Variants in ZNF605 observed in about 807,000 individuals in gnomAD.
ZNF605 encodes zinc finger protein 605.
Under a neutral mutation model 7.9 loss-of-function variants are expected in ZNF605, and 9 were observed. The ratio of observed to expected loss-of-function variants is 1.14; its 90% confidence interval spans 0.68 to 1.98. The LOEUF is 1.98. ZNF605 is among the 30% of genes most tolerant of loss of function. The pLI, the probability that ZNF605 is intolerant of heterozygous loss-of-function variation, is 0.00. For missense variants in ZNF605, 673 were observed against 762.4 expected, an observed-to-expected ratio of 0.88 and a Z score of 1.38; for synonymous variants, 255 against 260.1, an observed-to-expected ratio of 0.98 and a Z score of 0.19.
In ZNF605 at chr12:132,920,482, C is replaced by T. The variant is rs1276022969; in HGVS notation, c.*4891G>A. On this transcript the variant is annotated 3_prime_UTR_variant, in exon 5 of 5. Transcript: ENST00000360187. ...CATTCTGACAAGATGTTAAATGACC[C>T]GGATACAATGAGTAATAATTGTGTT... 1 of 152,086 alleles carries T rather than the reference C, an allele frequency of 6.6e-6. No homozygotes were observed. Among genetic ancestry groups the T allele is most frequent in the African/African-American group, 2.4e-5 (1 of 41,404 alleles). The allele number at this position is 152,086 out of a possible 1,614,324, so 9.4% of individuals were successfully genotyped here. A position where few individuals can be genotyped will look rare whatever the true frequency, so the allele number is the denominator to read the frequency against.
At chr12:132,930,752 T>C (rs376117849) in intron 4 of ZNF605, among the ~76,000 whole-genome samples, 200 of 152,278 alleles carry the variant, frequency 1.3e-3, no homozygotes, top group East Asian at 4.8e-3. Flanking sequence ...GGTTCTAAAT[T>C]AATAGGGGAA....
intron 1 of ZNF605, among the ~76,000 whole-genome samples, chr12:132,949,652 G>A (rs960319870): frequency 4.6e-5 from 7 of 152,146 alleles, no homozygotes; most frequent in African/African-American, 1.2e-4. Context: ...CTCCCTCTCC[G>A]TCATTAAGAG....
chr12:132,944,197 T>A (rs1419512605), intron 3 of ZNF605, among the ~76,000 whole-genome samples: 2 of 151,482 alleles, frequency 1.3e-5, no homozygotes, highest in African/African-American at 4.9e-5. Flanking sequence ...GCTCTGCCTA[T>A]GGAGTAGCTA....
chr12:132,926,897 G>T lies in ZNF605; in HGVS notation c.402C>A (p.Gly134=). ...NKKLLFCIKP[G]RTHGGIKYCD... ...AGTATTTTATCCCACCATGGGTTCT[G>T]CCAGGTTTGATACAGAACAATAATT... Residue 134 remains glycine (G), a synonymous_variant, in exon 5 of 5, where the codon GGC becomes GGA. Coordinates refer to ENST00000360187, the MANE Select transcript of ZNF605 (RefSeq NM_183238.4). The T allele has an allele frequency of 6.2e-7, 1 of 1,613,984 alleles. No homozygotes were observed. The highest frequency in any genetic ancestry group is 8.5e-7 in the Non-Finnish European group (1 of 1,179,998).
chr12:132,937,530 C>G (rs1321100900), intron 3 of ZNF605, among the ~76,000 whole-genome samples: 1 of 152,026 alleles, frequency 6.6e-6, no homozygotes, highest in Non-Finnish European at 1.5e-5. Flanking sequence ...CACACACACA[C>G]ACACACCCCT....
At chr12:132,945,216 G>C (rs1320018275) in intron 3 of ZNF605, 1 of 597,608 alleles carries the variant, frequency 1.7e-6, no homozygotes, top group South Asian at 2.0e-5. Flanking sequence ...TGCCCTCCTC[G>C]GCCTCCCAAA....
chr12:132,929,588 T>A (rs1952284866), intron 4 of ZNF605, among the ~76,000 whole-genome samples: 1 of 152,176 alleles, frequency 6.6e-6, no homozygotes, highest in Non-Finnish European at 1.5e-5. Flanking sequence ...AATTGTTTTA[T>A]AAGATGTGGG....
chr12:132,946,481 G>A (rs1436684282), intron 2 of ZNF605, among the ~76,000 whole-genome samples: 5 of 152,230 alleles, frequency 3.3e-5, no homozygotes, highest in African/African-American at 1.2e-4. Flanking sequence ...GGCAGGGAAT[G>A]TCTTATGTTG....
chr12:132,938,280 G>A (rs1952389466), intron 3 of ZNF605, among the ~76,000 whole-genome samples: 2 of 151,652 alleles, frequency 1.3e-5, no homozygotes, highest in Non-Finnish European at 2.9e-5. Flanking sequence ...GTGCCAGGCC[G>A]ATCCCATTTA....
In ZNF605 at chr12:132,933,289, A is replaced by G; in HGVS notation, c.16-134T>C. ...CTGACTCCGGTATTCATGCTTTTGC[A>G]TAATCCTCCCCTCTTGACCGTGGGC... On this transcript the variant is annotated intron_variant, in intron 3 of 4. Coordinates refer to ENST00000360187, the MANE Select transcript of ZNF605 (RefSeq NM_183238.4). This position sits in a 1 kb window ranked among gnomAD's most constrained non-coding sequence, Gnocchi z 4.4. 2.0e-6 allele frequency: 2 copies of G among 999,408 alleles called. No homozygotes were observed. Among genetic ancestry groups the G allele is most frequent in the Non-Finnish European group, 2.8e-6 (2 of 702,066 alleles). 61.9% of individuals were successfully genotyped at this position (999,408 alleles called of 1,614,324 possible).
intron 1 of ZNF605, among the ~76,000 whole-genome samples, chr12:132,953,588 A>G (rs980037793): frequency 1.4e-4 from 22 of 151,994 alleles, no homozygotes; most frequent in Non-Finnish European, 2.8e-4. Context: ...CACCATGCCC[A>G]GCTAATTTTT....
chr12:132,938,947 G>T (rs1350217869), intron 3 of ZNF605, among the ~76,000 whole-genome samples: 1 of 152,010 alleles, frequency 6.6e-6, no homozygotes, highest in South Asian at 2.1e-4. Flanking sequence ...CTGGCCCACC[G>T]GCGCTGCGCT....
At chr12:132,939,026 G>A (rs1490328146) in intron 3 of ZNF605, among the ~76,000 whole-genome samples, 1 of 151,538 alleles carries the variant, frequency 6.6e-6, no homozygotes, top group South Asian at 2.1e-4. Flanking sequence ...CACCATGCCT[G>A]AGCCTCCCAC....
chr12:132,919,671 G>A lies in ZNF605; in HGVS notation c.*5702C>T, dbSNP rs1204643664. 14 of 152,204 alleles carry A rather than the reference G, an allele frequency of 9.2e-5. No homozygotes were observed. The highest frequency in any genetic ancestry group is 9.2e-4 in the Admixed American group (14 of 15,270). The allele number at this position is 152,204 out of a possible 1,614,324, so 9.4% of individuals were successfully genotyped here. On this transcript the variant is annotated 3_prime_UTR_variant, in exon 5 of 5. Coordinates refer to ENST00000360187, the MANE Select transcript of ZNF605 (RefSeq NM_183238.4). Reference sequence around the variant, plus strand: ...CCCAAAGTGCTGAGATTACAGGCATGAGCCACCATGCCCGGCCCTGGCCAG... The same window carrying A: ...CCCAAAGTGCTGAGATTACAGGCATAAGCCACCATGCCCGGCCCTGGCCAG...
At chr12:132,942,625 G>A (rs752687732) in intron 3 of ZNF605, among the ~76,000 whole-genome samples, 3 of 152,144 alleles carry the variant, frequency 2.0e-5, no homozygotes, top group Non-Finnish European at 4.4e-5. Flanking sequence ...TGCCCGGCTG[G>A]GGCACCTGAC....
chr12:132,923,079 T>G lies in ZNF605; in HGVS notation c.*2294A>C, dbSNP rs1303321478. The G allele has an allele frequency of 6.6e-6, 1 of 152,222 alleles. No individual in the cohort carries two copies. The highest frequency in any genetic ancestry group is 2.4e-5 in the African/African-American group (1 of 41,458). The allele number at this position is 152,222 out of a possible 1,614,324, so 9.4% of individuals were successfully genotyped here. ...CAAGCTACCCCGAGCCCTGAAGGAA[T>G]AGGCTTCTAACTCAGATGATGCAGT... On this transcript the variant is annotated 3_prime_UTR_variant, in exon 5 of 5. Coordinates refer to ENST00000360187, the MANE Select transcript of ZNF605 (RefSeq NM_183238.4).
At chr12:132,950,994 AC>A (rs1952556826) in intron 1 of ZNF605, among the ~76,000 whole-genome samples, 2 of 151,962 alleles carry the variant, frequency 1.3e-5, no homozygotes, top group Non-Finnish European at 2.9e-5. Flanking sequence ...TGTACATCAC[AC>A]GCAGACATGT....
intron 3 of ZNF605, among the ~76,000 whole-genome samples, chr12:132,940,752 T>A (rs1013804642): frequency 4.2e-4 from 64 of 152,138 alleles, no homozygotes; most frequent in African/African-American, 1.4e-3. Flanking sequence ...AAAAAATAAT[T>A]TCAACTTTTT....
intron 3 of ZNF605, among the ~76,000 whole-genome samples, chr12:132,938,647 T>C (rs1169688058): frequency 2.0e-5 from 3 of 152,166 alleles, no homozygotes; most frequent in African/African-American, 7.2e-5. Context: ...GCTCCCACTT[T>C]GGTGGCATTT....
Sources: allele counts gnomAD v4.1 joint callset (sites outside exome capture counted in the v4.1 genomes callset), GRCh38; gene constraint gnomAD v4.1.1; non-coding constraint Gnocchi (gnomAD v3.1); transcripts MANE v1.5; gene names NCBI Gene and HGNC (gene_info 2026-07-23, HGNC 2026-07-21).